PTPRQ: variants seen among roughly 807,000 people sequenced by gnomAD.
PTPRQ encodes the protein phosphatidylinositol phosphatase PTPRQ.
A neutral mutation model predicts 246.0 loss-of-function variants in PTPRQ; 199 were observed. That is an observed-to-expected ratio of 0.81 (90% CI 0.72 to 0.91). The LOEUF (loss-of-function observed/expected upper bound fraction) is 0.91, where lower values mean the gene tolerates loss of function less well. PTPRQ is among the 40% of genes least tolerant of loss of function. The pLI is 0.00. For missense variants in PTPRQ, 2,624 were observed against 2,528.4 expected (o/e 1.04, Z -0.81); for synonymous variants, 869 against 853.2 (o/e 1.02, Z -0.32).
chr12:80,579,491 C>A (rs573080514), intron 25 of PTPRQ, among the ~76,000 whole-genome samples: 2 of 152,248 alleles, frequency 1.3e-5, no homozygotes, highest in Admixed American at 6.5e-5. Flanking sequence ...ATTAGAGCTC[C>A]CAGATCTTCT....
At chr12:80,540,352 G>A (rs1226382404) in intron 20 of PTPRQ, among the ~76,000 whole-genome samples, 1 of 152,006 alleles carries the variant, frequency 6.6e-6, no homozygotes, top group Admixed American at 6.6e-5. Context: ...TTCTCACTGT[G>A]TTTGTGACTA....
intron 28 of PTPRQ, among the ~76,000 whole-genome samples, 153 bp downstream of exon 28, chr12:80,610,778 A>C (rs1268599343): frequency 6.6e-6 from 1 of 150,430 alleles, no homozygotes; most frequent in African/African-American, 2.4e-5. Context: ...ACTGACAAAA[A>C]GGAAGATTTC....
intron 15 of PTPRQ, 70 bp downstream of exon 15, chr12:80,506,276 T>A: frequency 7.3e-7 from 1 of 1,371,782 alleles, no homozygotes. Context: ...ATTAGTTTAA[T>A]GTTAATAGTT....
intron 25 of PTPRQ, among the ~76,000 whole-genome samples, chr12:80,587,399 C>T (rs1897655499): frequency 6.6e-6 from 1 of 152,064 alleles, no homozygotes; most frequent in Admixed American, 6.6e-5. Flanking sequence ...TAATTGATTG[C>T]TCTTTCTTAT....
chr12:80,656,146 G>T (rs954243121), intron 38 of PTPRQ, among the ~76,000 whole-genome samples: 12 of 152,100 alleles, frequency 7.9e-5, no homozygotes, highest in Admixed American at 3.3e-4. Context: ...TCTATATTTG[G>T]GACATAAATC....
intron 35 of PTPRQ, among the ~76,000 whole-genome samples, chr12:80,646,532 G>T (rs1410261195): frequency 6.6e-6 from 1 of 152,140 alleles, no homozygotes; most frequent in Admixed American, 6.6e-5. Flanking sequence ...GTTAGTCATT[G>T]GTTGATGGAT....
rs148335607 is a variant in PTPRQ at position 80,626,489 on chromosome 12, G to C, written c.5686+4355G>C. 8.0e-3 allele frequency among the ~76,000 whole-genome samples: 1,213 copies of C among 152,220 alleles called. 26 individuals carry two copies. Among genetic ancestry groups the C allele is most frequent in the African/African-American group, 0.028 (1,167 of 41,532 alleles). ...CATTGTTTATGTACCAAGTCTTTAA[G>C]GGGTTTTACATATAAACTCATGCAT... On this transcript the variant is annotated intron_variant, in intron 33 of 44. Coordinates refer to ENST00000644991, the MANE Select transcript of PTPRQ (RefSeq NM_001145026.2).
chr12:80,667,708 T>C (rs1408565807), intron 39 of PTPRQ, among the ~76,000 whole-genome samples: 1 of 152,002 alleles, frequency 6.6e-6, no homozygotes, highest in African/African-American at 2.4e-5. Flanking sequence ...AAAATGTTAA[T>C]GGTCCTTCAC....
At chr12:80,619,303 C>A in intron 30 of PTPRQ, 81 bp from the exon 31 acceptor site, 1 of 1,436,582 alleles carries the variant, frequency 7.0e-7, no homozygotes, top group Non-Finnish European at 9.3e-7. Context: ...TGTAAATTAA[C>A]TGCATGAAAG....
chr12:80,456,816 T>A (rs1174971451), intron 3 of PTPRQ, among the ~76,000 whole-genome samples: 1 of 152,180 alleles, frequency 6.6e-6, no homozygotes, highest in Non-Finnish European at 1.5e-5. Context: ...ATTTTACATG[T>A]GCTATTTCAT....
rs1043258485 is a variant in PTPRQ at position 80,496,260 on chromosome 12, A to G, written c.2001A>G (p.Ser667=). 22 of 1,549,908 alleles carry G rather than the reference A, an allele frequency of 1.4e-5. No homozygotes were observed. The highest frequency in any genetic ancestry group is 1.9e-5 in the Non-Finnish European group (22 of 1,146,332). The part of the protein sequence containing the change: ...FVRTSEDEPE[S]SPQDVEVIDV... The stretch of plus-strand genomic sequence containing the variant: ...CTTTTCTTCCCCTAGAACCGGAATC[A>G]TCACCTCAAGATGTCGAAGTAATTG... The change falls in exon 14 of 45, where the codon TCA becomes TCG. Residue 667 remains serine, a synonymous_variant. Coordinates refer to ENST00000644991, the MANE Select transcript of PTPRQ (RefSeq NM_001145026.2).
intron 26 of PTPRQ, among the ~76,000 whole-genome samples, chr12:80,599,617 T>C (rs1898077366): frequency 6.6e-6 from 1 of 151,580 alleles, no homozygotes; most frequent in African/African-American, 2.4e-5. Context: ...AAAGGGAAAA[T>C]GCTGGATATA....
At chr12:80,640,400 C>T (rs73351581) in intron 35 of PTPRQ, among the ~76,000 whole-genome samples, 3,790 of 152,184 alleles carry the variant, frequency 0.025, 130 homozygotes, top group African/African-American at 0.083. Flanking sequence ...ATTTTACTTC[C>T]GTTCTAAACT....
Position 80,506,207 on chromosome 12 carries a change from G to A in PTPRQ, c.2455+1G>A. 1 of 1,466,688 alleles carries A rather than the reference G, an allele frequency of 6.8e-7. No homozygotes were observed. The highest frequency in any genetic ancestry group is 2.6e-5 in the East Asian group (1 of 38,932). The allele number at this position is 1,466,688 out of a possible 1,614,324, so 90.9% of individuals were successfully genotyped here. A position where few individuals can be genotyped will look rare whatever the true frequency, so the allele number is the denominator to read the frequency against. On this transcript the variant is annotated splice_donor_variant, in intron 15 of 44. Transcript: ENST00000644991. LOFTEE classifies it high-confidence loss of function. ...ACCTCTTTAACCCAAAACATTAAAG[G>A]TAAAAGAACAAATCTAATATTGGAT...
At chr12:80,502,464 T>C (rs1308895373) in intron 14 of PTPRQ, among the ~76,000 whole-genome samples, 2 of 152,090 alleles carry the variant, frequency 1.3e-5, no homozygotes, top group East Asian at 1.9e-4. Context: ...CTAGTCAGCA[T>C]AGAATGGTGT....
In PTPRQ at chr12:80,619,517, A is replaced by G. The variant is rs1898895257; in HGVS notation, c.5364A>G (p.Val1788=). 1 of 1,538,612 alleles carries G rather than the reference A, an allele frequency of 6.5e-7. No individual in the cohort carries two copies. Among genetic ancestry groups the G allele is most frequent in the Admixed American group, 2.0e-5 (1 of 50,050 alleles). ...YSDDHGPIKN[V]QVLVTETGAQ... is the part of the protein sequence containing the mutation. ...ATGATCATGGACCAATAAAAAATGT[A>G]CAAGTGCTTGTGACAGAAACAGGAG... The change falls in exon 31 of 45, where the codon GTA becomes GTG. Residue 1788 remains valine (V), a synonymous_variant. Transcript: ENST00000644991.
chr12:80,546,742 A>G lies in PTPRQ; in HGVS notation c.4015+45A>G, dbSNP rs373819521. On this transcript the variant is annotated intron_variant, in intron 24 of 44. Transcript: ENST00000644991. The stretch of plus-strand genomic sequence containing the variant: ...CCTAAAATGTTTCTTTTTATATTTA[A>G]CACCTTTCTTTTCCTTTTCTTAGTT... 5 of 1,530,894 alleles carry G rather than the reference A, an allele frequency of 3.3e-6. No homozygotes were observed. The East Asian group carries it at 1.2e-4, about 38-fold the overall frequency. The allele number at this position is 1,530,894 out of a possible 1,614,324, so 94.8% of individuals were successfully genotyped here.
intron 10 of PTPRQ, among the ~76,000 whole-genome samples, chr12:80,494,495 T>A (rs1894547474): frequency 6.6e-6 from 1 of 152,060 alleles, no homozygotes; most frequent in African/African-American, 2.4e-5. Flanking sequence ...ATTTATAATA[T>A]CTCAATTATA....
At chr12:80,627,597 G>T (rs993771271) in intron 33 of PTPRQ, among the ~76,000 whole-genome samples, 1 of 151,632 alleles carries the variant, frequency 6.6e-6, no homozygotes, top group Non-Finnish European at 1.5e-5. Context: ...TTTAAATAAT[G>T]ATAACTTCAG....
Sources: allele counts gnomAD v4.1 joint callset (sites outside exome capture counted in the v4.1 genomes callset), GRCh38; gene constraint gnomAD v4.1.1; transcripts MANE v1.5; gene names NCBI Gene and HGNC (gene_info 2026-07-23, HGNC 2026-07-21).